PTPRG: variants seen among roughly 807,000 people sequenced by gnomAD.
PTPRG encodes receptor-type tyrosine-protein phosphatase gamma.
Under a neutral mutation model 165.3 loss-of-function variants are expected in PTPRG, and 102 were observed. The observed-to-expected ratio is 0.62, with a 90% CI of 0.53 to 0.73. The LOEUF (loss-of-function observed/expected upper bound fraction) is 0.73. PTPRG is among the 30% of genes least tolerant of loss of function. The pLI is 0.00. For synonymous variants in PTPRG, 675 were observed against 669.5 expected, an observed-to-expected ratio of 1.01 and a Z score of -0.13; for missense variants, 1,866 against 1,861.4, an observed-to-expected ratio of 1.00 and a Z score of -0.05.
intron 5 of PTPRG, among the ~76,000 whole-genome samples, chr3:62,078,843 G>T (rs1508411): frequency 0.33 from 50,456 of 152,050 alleles, 10,521 homozygotes; most frequent in African/African-American, 0.6. Context: ...ATTGCATCCT[G>T]TGATAAAATA....
At position 62,095,441 on chromosome 3, in the gene PTPRG, A is replaced by G. The variant is rs117870290; in HGVS notation, c.615+17183A>G. On this transcript the variant is annotated intron_variant, in intron 5 of 29. Coordinates refer to ENST00000474889, the MANE Select transcript of PTPRG (RefSeq NM_002841.4). ...GATCACGTACCATCCTGCGTTCTCA[A>G]TGAAAGAAGAGTGTTACTGTCTCAG... Among the ~76,000 whole-genome samples the G allele has an allele frequency of 1.1e-4, 16 of 152,338 alleles. No individual in the cohort carries two copies. In the East Asian group the frequency reaches 2.3e-3, roughly 22 times the overall value.
intron 2 of PTPRG, among the ~76,000 whole-genome samples, chr3:61,804,306 C>G (rs1204139212): frequency 6.6e-6 from 1 of 152,206 alleles, no homozygotes; most frequent in Non-Finnish European, 1.5e-5. Context: ...AAGATGTGGA[C>G]TTGGAGGGGC....
intron 1 of PTPRG, among the ~76,000 whole-genome samples, chr3:61,698,056 A>C (rs2030713481): frequency 6.6e-6 from 1 of 152,202 alleles, no homozygotes; most frequent in Non-Finnish European, 1.5e-5. Context: ...TAGGCATAAA[A>C]ATACATAAGG....
intron 8 of PTPRG, among the ~76,000 whole-genome samples, chr3:62,174,874 A>G (rs2106755419): frequency 6.6e-6 from 1 of 152,340 alleles, no homozygotes; most frequent in Middle Eastern, 3.4e-3. Flanking sequence ...AACTTTTAGC[A>G]TAGGAAAGTA....
At chr3:62,088,378 G>T (rs780687738) in intron 5 of PTPRG, among the ~76,000 whole-genome samples, 4 of 152,198 alleles carry the variant, frequency 2.6e-5, no homozygotes, top group Non-Finnish European at 5.9e-5. Context: ...GGGTCAGTTA[G>T]GGCTATTTGG....
intron 5 of PTPRG, among the ~76,000 whole-genome samples, chr3:62,094,812 T>C (rs1702055239): frequency 6.6e-6 from 1 of 152,226 alleles, no homozygotes; most frequent in Non-Finnish European, 1.5e-5. Context: ...ACCCCTCAGC[T>C]GCTGCTGAAA....
At chr3:61,985,604 G>A (rs954878942) in intron 2 of PTPRG, among the ~76,000 whole-genome samples, 1 of 152,146 alleles carries the variant, frequency 6.6e-6, no homozygotes, top group Non-Finnish European at 1.5e-5. Context: ...AGGGAACTGG[G>A]GCAGCCCTGC....
intron 14 of PTPRG, among the ~76,000 whole-genome samples, chr3:62,239,670 G>C (rs1249784379): frequency 1.3e-5 from 2 of 152,044 alleles, no homozygotes; most frequent in Non-Finnish European, 2.9e-5. Flanking sequence ...AGCGCTTTGA[G>C]AAATTCTATC....
At chr3:61,718,207 A>C (rs1352744332) in intron 1 of PTPRG, among the ~76,000 whole-genome samples, 2 of 140,908 alleles carry the variant, frequency 1.4e-5, no homozygotes, top group South Asian at 2.3e-4. Flanking sequence ...ACAAAAAAAC[A>C]AAAACCAAAA....
In PTPRG at chr3:62,281,552, G is replaced by GTTTACAAA; in HGVS notation, c.3766-11_3766-10insTTTACAAA. The GTTTACAAA allele has an allele frequency of 5.0e-6, 1 of 199,702 alleles. No individual in the cohort carries two copies. Among genetic ancestry groups the GTTTACAAA allele is most frequent in the Non-Finnish European group, 6.9e-6 (1 of 145,198 alleles). 12.4% of individuals were successfully genotyped at this position (199,702 alleles called of 1,614,324 possible). On this transcript the variant is annotated splice_polypyrimidine_tract_variant and intron_variant, in intron 26 of 29. Transcript: ENST00000474889. ...AACTGCAGAGGCTTTTTTTTTTTTT[G>GTTTACAAA]GATTCCAAAGGCAGAAGATGAGTTT...
chr3:61,954,050 C>G (rs973191293), intron 2 of PTPRG, among the ~76,000 whole-genome samples: 2 of 152,174 alleles, frequency 1.3e-5, no homozygotes, highest in Admixed American at 1.3e-4. Context: ...AGAGGACAGA[C>G]TCATTGGTCT....
At chr3:62,023,386 T>C (rs1347012803) in intron 4 of PTPRG, among the ~76,000 whole-genome samples, 1 of 152,172 alleles carries the variant, frequency 6.6e-6, no homozygotes, top group Admixed American at 6.5e-5. Context: ...TGTATATCTC[T>C]CTGTGTATAT....
At chr3:61,747,058 G>A (rs528556347) in intron 1 of PTPRG, among the ~76,000 whole-genome samples, 1 of 152,248 alleles carries the variant, frequency 6.6e-6, no homozygotes, top group African/African-American at 2.4e-5. Flanking sequence ...CAGGGGTTAA[G>A]GTTGCAGTGA....
At chr3:61,966,260 T>C (rs2040270520) in intron 2 of PTPRG, among the ~76,000 whole-genome samples, 1 of 152,240 alleles carries the variant, frequency 6.6e-6, no homozygotes, top group East Asian at 1.9e-4. Flanking sequence ...TGGAGTATTA[T>C]AAGTTAATTA....
intron 6 of PTPRG, among the ~76,000 whole-genome samples, chr3:62,143,014 G>A (rs971133688): frequency 6.6e-6 from 1 of 152,212 alleles, no homozygotes; most frequent in Non-Finnish European, 1.5e-5. Flanking sequence ...CCAGCCCAGA[G>A]TCTAACCAAG....
chr3:61,887,719 TAA>T (rs36124010), intron 2 of PTPRG, among the ~76,000 whole-genome samples: 410 of 146,360 alleles, frequency 2.8e-3, no homozygotes, highest in African/African-American at 6.8e-3. Flanking sequence ...TTCAGTAAGT[TAA>T]AAAAAAAAAA....
At chr3:62,128,205 G>A (rs979082288) in intron 5 of PTPRG, among the ~76,000 whole-genome samples, 2 of 152,168 alleles carry the variant, frequency 1.3e-5, no homozygotes, top group Non-Finnish European at 2.9e-5. Context: ...GTTTTGCAAT[G>A]AGAGTACGAA....
intron 2 of PTPRG, among the ~76,000 whole-genome samples, chr3:61,836,168 G>C (rs2036455848): frequency 6.6e-6 from 1 of 150,752 alleles, no homozygotes; most frequent in Admixed American, 6.7e-5. Flanking sequence ...TTACAGCTAT[G>C]TGTAGGAATC....
rs1699945362 is a variant in PTPRG, at chr3:62,195,746, C to A, written c.1327+576C>A. Among the ~76,000 whole-genome samples, 1 of 151,974 alleles carries A rather than the reference C, an allele frequency of 6.6e-6. No homozygotes were observed. ...CTTTGCTCAAAATTTTAAGGGGCAC[C>A]AAAAAATTGAGTGACCAAGAGACAT... On this transcript the variant is annotated intron_variant, in intron 10 of 29. Coordinates refer to ENST00000474889, the MANE Select transcript of PTPRG (RefSeq NM_002841.4). The surrounding 1 kb of genome is among the most constrained non-coding windows in gnomAD (Gnocchi z 4.4).
Sources: gnomAD v4.1 joint callset for allele counts (sites outside exome capture counted in the v4.1 genomes callset) on GRCh38, gnomAD v4.1.1 for gene constraint, Gnocchi (gnomAD v3.1) non-coding constraint, MANE v1.5 for transcripts, NCBI Gene and HGNC (gene_info 2026-07-23, HGNC 2026-07-21) for gene names.